OR2L13: variants seen among roughly 807,000 people sequenced by gnomAD.
The protein encoded by OR2L13 is olfactory receptor 2L13.
Under a neutral mutation model 15.3 loss-of-function variants are expected in OR2L13, and 14 were observed. That is an observed-to-expected ratio of 0.91 (90% CI 0.60 to 1.43). OR2L13 has a LOEUF of 1.43. Ranked by LOEUF, OR2L13 falls within the 40% of genes most tolerant of loss-of-function variation. The pLI, the probability that OR2L13 is intolerant of heterozygous loss-of-function variation, is 0.00. For synonymous variants in OR2L13, 152 were observed against 142.9 expected, an observed-to-expected ratio of 1.06 and a Z score of -0.45; for missense variants, 367 against 387.9, an observed-to-expected ratio of 0.95 and a Z score of 0.45.
the OR2L13 span, among the ~76,000 whole-genome samples, chr1:247,942,350 A>G: frequency 6.6e-6 from 1 of 152,150 alleles, no homozygotes; most frequent in Non-Finnish European, 1.5e-5. Context: ...TAATATTAGG[A>G]AACCTCAAGT....
chr1:248,010,962 A>G, the OR2L13 span, among the ~76,000 whole-genome samples: 3 of 151,794 alleles, frequency 2.0e-5, no homozygotes, highest in African/African-American at 7.3e-5. Context: ...TTTAAGGTTA[A>G]TATTGCTATG....
the OR2L13 span, among the ~76,000 whole-genome samples, chr1:247,969,123 G>T: frequency 3.3e-5 from 5 of 152,228 alleles, no homozygotes; most frequent in East Asian, 1.9e-4. Flanking sequence ...TCATGTGTCT[G>T]TTTCCTGCAT....
chr1:248,072,844 A>T, the OR2L13 span, among the ~76,000 whole-genome samples: 1 of 152,236 alleles, frequency 6.6e-6, no homozygotes, highest in African/African-American at 2.4e-5. Context: ...TCAAAAGAAG[A>T]CGTTTATGCA....
the OR2L13 span, among the ~76,000 whole-genome samples, chr1:247,948,208 G>A: frequency 6.6e-6 from 1 of 151,312 alleles, no homozygotes; most frequent in South Asian, 2.1e-4. Context: ...GAGAGACCCT[G>A]TCACTTAAAA....
chr1:248,027,113 G>A, the OR2L13 span, among the ~76,000 whole-genome samples: 2 of 152,172 alleles, frequency 1.3e-5, no homozygotes, highest in African/African-American at 4.8e-5. Flanking sequence ...CTGAGAAAGA[G>A]AATGAGTTCC....
At chr1:248,043,229 G>C in the OR2L13 span, among the ~76,000 whole-genome samples, 1 of 152,144 alleles carries the variant, frequency 6.6e-6, no homozygotes, top group Non-Finnish European at 1.5e-5. Context: ...ATATACAATA[G>C]CCATAGCTGA....
At chr1:248,003,474 T>G in the OR2L13 span, 2 of 1,609,538 alleles carry the variant, frequency 1.2e-6, no homozygotes, top group South Asian at 1.1e-5. Context: ...CTACTCCTGA[T>G]ATCAATGGCC....
the OR2L13 span, among the ~76,000 whole-genome samples, chr1:248,010,881 C>G: frequency 6.8e-6 from 1 of 146,370 alleles, no homozygotes; most frequent in East Asian, 2.1e-4. Flanking sequence ...ATACAGCACA[C>G]CAATAGGTCT....
the OR2L13 span, chr1:248,022,912 G>A: frequency 8.3e-5 from 130 of 1,572,916 alleles, no homozygotes; most frequent in Non-Finnish European, 1.1e-4. Context: ...TAGAGTCAAA[G>A]CGCTAGGTTC....
At chr1:248,038,485 T>G in the OR2L13 span, 1 of 1,613,822 alleles carries the variant, frequency 6.2e-7, no homozygotes, top group Non-Finnish European at 8.5e-7. Context: ...CTAAATTACA[T>G]CTCCACCATT....
the OR2L13 span, among the ~76,000 whole-genome samples, chr1:248,069,595 T>C: frequency 3.5e-3 from 537 of 152,294 alleles, 5 homozygotes; most frequent in African/African-American, 0.012. Flanking sequence ...GCTAACATCA[T>C]AATGACAGGA....
the OR2L13 span, chr1:247,949,718 C>T: frequency 2.5e-6 from 4 of 1,613,914 alleles, no homozygotes; most frequent in Admixed American, 3.3e-5. Flanking sequence ...TCAACCCCAT[C>T]ATCTATAGCC....
At chr1:247,955,039 C>T in the OR2L13 span, among the ~76,000 whole-genome samples, 2 of 151,858 alleles carry the variant, frequency 1.3e-5, no homozygotes, top group Non-Finnish European at 2.9e-5. Context: ...TGTTGGTGTG[C>T]TGCACCCATT....
chr1:248,022,958 C>A, the OR2L13 span: 1 of 1,321,146 alleles, frequency 7.6e-7, no homozygotes, highest in Non-Finnish European at 1.0e-6. Context: ...TGAAGAAAAA[C>A]ATTATTACAT....
chr1:248,064,789 C>T, the OR2L13 span, among the ~76,000 whole-genome samples: 477 of 152,288 alleles, frequency 3.1e-3, 3 homozygotes, highest in African/African-American at 0.011. Flanking sequence ...TACTGACATT[C>T]CTGTATAGGC....
chr1:248,100,049 A>G (rs1244132295), exon 3 of OR2L13: 2 of 1,613,958 alleles, frequency 1.2e-6, no homozygotes, highest in South Asian at 1.1e-5. Flanking sequence ...TTTGCTGTCT[A>G]TCATATGCAC....
chr1:248,098,672 C>A (rs539126334), exon 2 of OR2L13: 1 of 152,202 alleles, frequency 6.6e-6, no homozygotes, highest in African/African-American at 2.4e-5. Flanking sequence ...AAATCAGTAA[C>A]CCAAGATGAC....
At chr1:248,071,576 A>T in the OR2L13 span, among the ~76,000 whole-genome samples, 1 of 152,166 alleles carries the variant, frequency 6.6e-6, no homozygotes, top group Non-Finnish European at 1.5e-5. Context: ...CAAGACAGGG[A>T]TTCCCTCTCT....
chr1:248,037,913 T>A, the OR2L13 span, among the ~76,000 whole-genome samples: 1 of 152,252 alleles, frequency 6.6e-6, no homozygotes, highest in African/African-American at 2.4e-5. Flanking sequence ...GTAGACATTT[T>A]GATTTCCCAT....
Sources: allele counts gnomAD v4.1 joint callset (sites outside exome capture counted in the v4.1 genomes callset), GRCh38; gene constraint gnomAD v4.1.1; transcripts MANE v1.5; gene names NCBI Gene and HGNC (gene_info 2026-07-23, HGNC 2026-07-21).